The following CNTN4 variants were observed in gnomAD, a reference collection of about 807,000 sequenced individuals.
The protein encoded by CNTN4 is contactin-4.
In CNTN4, 77 loss-of-function variants were observed where a neutral mutation model predicts 122.5. That is an observed-to-expected ratio of 0.63 (90% CI 0.52 to 0.76). CNTN4 has a LOEUF of 0.76. Ranked by LOEUF, CNTN4 falls within the 30% of genes least tolerant of loss-of-function variation. CNTN4 has a pLI of 0.00. For synonymous variants in CNTN4, 512 were observed against 447.0 expected (o/e 1.15, Z -1.83); for missense variants, 1,256 against 1,259.1 (o/e 1.00, Z 0.04).
chr3:2,984,344 T>A (rs1694350477), intron 13 of CNTN4, among the ~76,000 whole-genome samples: 1 of 152,210 alleles, frequency 6.6e-6, no homozygotes, highest in Admixed American at 6.5e-5. Flanking sequence ...GACCAGCAGT[T>A]CTCAAATGGG....
At chr3:2,516,275 A>C (rs1430811687) in intron 3 of CNTN4, among the ~76,000 whole-genome samples, 1 of 152,086 alleles carries the variant, frequency 6.6e-6, no homozygotes, top group East Asian at 1.9e-4. Flanking sequence ...GGCCTGTTGT[A>C]AGTAGAATCC....
intron 2 of CNTN4, among the ~76,000 whole-genome samples, chr3:2,294,593 T>G (rs1027799829): frequency 6.6e-6 from 1 of 152,166 alleles, no homozygotes; most frequent in African/African-American, 2.4e-5. Context: ...ATCGTGCCAC[T>G]GCACCACAGC....
At chr3:2,241,948 C>G (rs1021751779) in intron 2 of CNTN4, among the ~76,000 whole-genome samples, 1 of 152,048 alleles carries the variant, frequency 6.6e-6, no homozygotes. Flanking sequence ...GATAAATCAT[C>G]TCATGTCATC....
intron 7 of CNTN4, among the ~76,000 whole-genome samples, chr3:2,847,932 C>T (rs983913088): frequency 6.6e-6 from 1 of 152,166 alleles, no homozygotes; most frequent in African/African-American, 2.4e-5. Context: ...GACCACACAG[C>T]TAACAACTGG....
chr3:2,756,066 A>AT (rs1365440858), intron 6 of CNTN4, among the ~76,000 whole-genome samples: 1 of 152,186 alleles, frequency 6.6e-6, no homozygotes, highest in Non-Finnish European at 1.5e-5. Context: ...AAATGTCACA[A>AT]TTGCTCTAAT....
At chr3:2,180,506 G>A (rs1464890219) in intron 2 of CNTN4, among the ~76,000 whole-genome samples, 1 of 152,008 alleles carries the variant, frequency 6.6e-6, no homozygotes, top group South Asian at 2.1e-4. Flanking sequence ...GATAGGTCTA[G>A]TAAGAGGATT....
At chr3:2,948,763 C>T (rs1208369426) in intron 13 of CNTN4, among the ~76,000 whole-genome samples, 2 of 151,996 alleles carry the variant, frequency 1.3e-5, no homozygotes, top group African/African-American at 4.8e-5. Context: ...CTACATACAC[C>T]AGACTTTTCT....
intron 14 of CNTN4, chr3:2,988,987 T>C (rs1694828813): frequency 6.3e-6 from 1 of 159,596 alleles, no homozygotes; most frequent in Non-Finnish European, 1.4e-5. Context: ...CAGCCAACCT[T>C]GTCAGTTTTA....
intron 12 of CNTN4, among the ~76,000 whole-genome samples, chr3:2,921,051 T>C (rs2094424860): frequency 6.6e-6 from 1 of 152,164 alleles, no homozygotes; most frequent in African/African-American, 2.4e-5. Context: ...ACTGACTTGT[T>C]TTTTAAAAGA....
chr3:2,827,077 G>A (rs116647617), intron 7 of CNTN4, among the ~76,000 whole-genome samples: 1 of 152,044 alleles, frequency 6.6e-6, no homozygotes, highest in African/African-American at 2.4e-5. Context: ...TGGGCCCCAC[G>A]CATCATATCA....
In CNTN4 at chr3:3,040,073, G is replaced by C; in HGVS notation, c.2200G>C (p.Gly734Arg). 1 of 1,614,068 alleles carries C rather than the reference G, an allele frequency of 6.2e-7. No individual in the cohort carries two copies. Among genetic ancestry groups the C allele is most frequent in the Non-Finnish European group, 8.5e-7 (1 of 1,179,888 alleles). ...PEELQNGRGF[G>R]YVVAFRPYGK... is the part of the protein sequence containing the mutation. ...GGAATTACAGAATGGTCGAGGCTTT[G>C]GTTATGTGGTGGCCTTCCGGCCCTA... Residue 734 changes from glycine to arginine, a missense_variant, in exon 20 of 25, where the codon GGT (glycine) becomes CGT (arginine). Transcript: ENST00000418658.
chr3:2,840,205 G>A (rs929076429), intron 7 of CNTN4, among the ~76,000 whole-genome samples: 1 of 152,036 alleles, frequency 6.6e-6, no homozygotes, highest in Non-Finnish European at 1.5e-5. Context: ...CTGCTTATGT[G>A]GCTGACATTT....
intron 2 of CNTN4, among the ~76,000 whole-genome samples, chr3:2,205,836 CT>C (rs1279695688): frequency 5.3e-5 from 8 of 152,120 alleles, no homozygotes; most frequent in Non-Finnish European, 1.2e-4. Context: ...AAATAAACTT[CT>C]GTAATGAGTG....
intron 14 of CNTN4, among the ~76,000 whole-genome samples, chr3:3,023,312 C>A (rs904144216): frequency 2.0e-5 from 3 of 152,066 alleles, no homozygotes; most frequent in African/African-American, 7.2e-5. Context: ...CATGAATCGG[C>A]GACAAGTGCT....
At chr3:2,176,049 T>C (rs1365223658) in intron 2 of CNTN4, among the ~76,000 whole-genome samples, 1 of 152,200 alleles carries the variant, frequency 6.6e-6, no homozygotes, top group African/African-American at 2.4e-5. Context: ...GTAATCTCTT[T>C]GGCAGAAATG....
chr3:2,550,454 A>G (rs1034581309), intron 3 of CNTN4, among the ~76,000 whole-genome samples: 4 of 152,166 alleles, frequency 2.6e-5, no homozygotes, highest in Non-Finnish European at 5.9e-5. Context: ...GAAACAGCAG[A>G]TGCTGGAGAG....
At chr3:2,429,525 G>T (rs2047978016) in intron 3 of CNTN4, among the ~76,000 whole-genome samples, 1 of 152,218 alleles carries the variant, frequency 6.6e-6, no homozygotes, top group African/African-American at 2.4e-5. Context: ...GCTACTTGGA[G>T]GTCAGGGACC....
chr3:2,180,718 T>G (rs1392955863), intron 2 of CNTN4, among the ~76,000 whole-genome samples: 2 of 152,080 alleles, frequency 1.3e-5, no homozygotes, highest in Non-Finnish European at 2.9e-5. Context: ...TAACTGAAAG[T>G]CTGTTGACTA....
At chr3:2,210,737 A>C (rs1301201256) in intron 2 of CNTN4, among the ~76,000 whole-genome samples, 2 of 152,126 alleles carry the variant, frequency 1.3e-5, no homozygotes, top group Non-Finnish European at 2.9e-5. Context: ...CTAGTTGCCC[A>C]CTTTGTTTCA....
Sources: gnomAD v4.1 joint callset for allele counts (sites outside exome capture counted in the v4.1 genomes callset) on GRCh38, gnomAD v4.1.1 for gene constraint, MANE v1.5 for transcripts, NCBI Gene and HGNC (gene_info 2026-07-23, HGNC 2026-07-21) for gene names.